Variants in PRKCH observed in about 807,000 individuals in gnomAD.
The protein encoded by PRKCH is protein kinase C eta type.
Under a neutral mutation model 82.5 loss-of-function variants are expected in PRKCH, and 28 were observed. That is an observed-to-expected ratio of 0.34 (90% confidence interval 0.25 to 0.47). The LOEUF is 0.47. Among genes scored for constraint, PRKCH ranks in the 20% least tolerant of loss-of-function variants. The pLI is 1.00. For missense variants in PRKCH, 705 were observed against 881.8 expected (o/e 0.80, Z 2.54); for synonymous variants, 322 against 327.4 (o/e 0.98, Z 0.18).
At chr14:61,533,953 A>T (rs540236655) in intron 12 of PRKCH, among the ~76,000 whole-genome samples, 125 of 152,352 alleles carry the variant, frequency 8.2e-4, no homozygotes, top group African/African-American at 2.3e-3. Flanking sequence ...ACTTGATTTA[A>T]TTAGGCCAAT....
At chr14:61,240,924 C>T (rs2044831476) in intron 1 of PRKCH, among the ~76,000 whole-genome samples, 1 of 145,656 alleles carries the variant, frequency 6.9e-6, no homozygotes, top group Non-Finnish European at 1.5e-5. Flanking sequence ...GGTTTTTTCC[C>T]CACACACCAA....
intron 1 of PRKCH, among the ~76,000 whole-genome samples, chr14:61,210,355 G>A (rs893283507): frequency 9.9e-5 from 15 of 151,762 alleles, no homozygotes; most frequent in African/African-American, 3.4e-4. Flanking sequence ...ACACCAGGAC[G>A]TACAGCTTGG....
chr14:61,252,703 G>A (rs2044956912), intron 1 of PRKCH, among the ~76,000 whole-genome samples: 1 of 152,224 alleles, frequency 6.6e-6, no homozygotes, highest in Admixed American at 6.5e-5. Context: ...TTTCCAATAA[G>A]AAGTGACCAA....
intron 1 of PRKCH, among the ~76,000 whole-genome samples, chr14:61,265,209 G>A (rs2045087468): frequency 1.3e-5 from 2 of 152,114 alleles, no homozygotes; most frequent in Admixed American, 6.5e-5. Flanking sequence ...AGGCGGGTGC[G>A]GTGGCTCATG....
intron 1 of PRKCH, among the ~76,000 whole-genome samples, chr14:61,284,009 G>C (rs1173097342): frequency 2.6e-5 from 4 of 152,216 alleles, no homozygotes; most frequent in African/African-American, 9.6e-5. Flanking sequence ...GAGGGAAAAA[G>C]ATAATAGTGC....
At chr14:61,260,102 A>T (rs2045033311) in intron 1 of PRKCH, among the ~76,000 whole-genome samples, 1 of 152,252 alleles carries the variant, frequency 6.6e-6, no homozygotes, top group South Asian at 2.1e-4. Flanking sequence ...TGCAATGTCT[A>T]AATGGTATAA....
At chr14:61,222,877 C>T (rs1348653832) in intron 1 of PRKCH, among the ~76,000 whole-genome samples, 1 of 152,208 alleles carries the variant, frequency 6.6e-6, no homozygotes, top group African/African-American at 2.4e-5. Context: ...TGAGCTATTT[C>T]TGTTTCCACA....
chr14:61,531,002 G>A (rs2043038193), intron 12 of PRKCH, among the ~76,000 whole-genome samples: 1 of 152,222 alleles, frequency 6.6e-6, no homozygotes. Context: ...CAAGTTGCAG[G>A]ATGAAGCGGT....
At chr14:61,276,292 A>T (rs937816392) in intron 1 of PRKCH, among the ~76,000 whole-genome samples, 1 of 152,166 alleles carries the variant, frequency 6.6e-6, no homozygotes, top group Admixed American at 6.5e-5. Flanking sequence ...TGTTTTAGGT[A>T]GAGAGAAAAA....
At chr14:61,351,855 A>G (rs1275208344) in intron 1 of PRKCH, among the ~76,000 whole-genome samples, 2 of 152,098 alleles carry the variant, frequency 1.3e-5, no homozygotes, top group African/African-American at 4.8e-5. Flanking sequence ...TTTCTGCTTG[A>G]CTATAAAACT....
intron 1 of PRKCH, among the ~76,000 whole-genome samples, chr14:61,384,390 C>G (rs1475883065): frequency 1.3e-5 from 2 of 152,162 alleles, no homozygotes; most frequent in East Asian, 3.9e-4. Context: ...GCCTAGACCC[C>G]GTTCCCTTGC....
At chr14:61,223,161 A>T (rs1012922689) in intron 1 of PRKCH, among the ~76,000 whole-genome samples, 1 of 152,200 alleles carries the variant, frequency 6.6e-6, no homozygotes, top group Middle Eastern at 3.2e-3. Context: ...GAGGACATTC[A>T]GTCTTTCCCA....
chr14:61,501,796 A>G lies in PRKCH; in HGVS notation c.1433+16140A>G, dbSNP rs894662862. ...AAAGGACACTTTTAGCTGTTCTAAA[A>G]TGATTACAGTGAATGCTAAATCCTC... On this transcript the variant is annotated intron_variant, in intron 10 of 13. Transcript: ENST00000332981. 3.9e-5 allele frequency among the ~76,000 whole-genome samples: 6 copies of G among 152,160 alleles called. 1 individual carries two copies. The highest frequency in any genetic ancestry group is 2.6e-4 in the Admixed American group (4 of 15,280).
At chr14:61,526,421 A>C (rs139932814) in intron 10 of PRKCH, among the ~76,000 whole-genome samples, 1 of 152,348 alleles carries the variant, frequency 6.6e-6, no homozygotes, top group East Asian at 1.9e-4. Flanking sequence ...GATCTGTGCC[A>C]TGAAAGCTTT....
chr14:61,272,344 C>CTTTTTTTTTTTTTTTTTTTTTTTTTTTT lies in PRKCH; in HGVS notation c.-19+84703_-19+84704insTTTTTTTTTTTTTTTTTTTTTTTTTTTT, dbSNP rs1162331604. The stretch of plus-strand genomic sequence containing the variant: ...TTTCTTTTTCTTTTCTTTTTTCTTT[C>CTTTTTTTTTTTTTTTTTTTTTTTTTTTT]TTTTTTTTTTTTTTTTTTTTTTTTT... On this transcript the variant is annotated intron_variant, in intron 1 of 3. Transcript: ENST00000555185. Among the ~76,000 whole-genome samples the CTTTTTTTTTTTTTTTTTTTTTTTTTTTT allele has an allele frequency of 2.5e-4, 6 of 23,578 alleles. 1 individual carries two copies. The highest frequency in any genetic ancestry group is 7.7e-4 in the African/African-American group (6 of 7,820). The allele number at this position is 23,578 out of a possible 152,430, so 15.5% of individuals were successfully genotyped here.
chr14:61,198,562 T>G (rs1411723508), intron 1 of PRKCH, among the ~76,000 whole-genome samples: 1 of 152,236 alleles, frequency 6.6e-6, no homozygotes, highest in Non-Finnish European at 1.5e-5. Context: ...AATTATTTGT[T>G]TACATAATGA....
intron 5 of PRKCH, among the ~76,000 whole-genome samples, chr14:61,449,979 G>T (rs982167850): frequency 6.6e-6 from 1 of 151,508 alleles, no homozygotes; most frequent in Admixed American, 6.6e-5. Flanking sequence ...ATCTGCAATA[G>T]GCATACATTT....
chr14:61,443,150 G>C lies in PRKCH; in HGVS notation c.467G>C (p.Arg156Thr). Residue 156 changes from arginine to threonine, a missense_variant, in exon 3 of 14, where the codon AGG becomes ACG. Physicochemically the swap from Arg to Thr is moderately conservative, Grantham distance 71. Transcript: ENST00000332981. ...QRDRIFKHFT[R>T]KRQRAMRRRV... The stretch of plus-strand genomic sequence containing the variant: ...GACCGGATCTTCAAACATTTTACCA[G>C]GAAGCGCCAAAGGGCTATGCGAAGG... The C allele has an allele frequency of 6.2e-7, 1 of 1,614,014 alleles. No individual in the cohort carries two copies. The highest frequency in any genetic ancestry group is 8.5e-7 in the Non-Finnish European group (1 of 1,179,952).
chr14:61,417,808 C>T (rs1223230303), intron 2 of PRKCH, among the ~76,000 whole-genome samples: 1 of 152,140 alleles, frequency 6.6e-6, no homozygotes, highest in African/African-American at 2.4e-5. Flanking sequence ...CAAGGCTTAA[C>T]AGTCTAAATG....
Sources: allele counts gnomAD v4.1 joint callset (sites outside exome capture counted in the v4.1 genomes callset), GRCh38; gene constraint gnomAD v4.1.1; transcripts MANE v1.5; gene names NCBI Gene and HGNC (gene_info 2026-07-23, HGNC 2026-07-21).